The following NAA25 variants were observed in gnomAD, a reference collection of about 807,000 sequenced individuals.
NAA25 encodes N-terminal acetyltransferase B complex subunit NAA25.
Under a neutral mutation model 132.5 loss-of-function variants are expected in NAA25, and 30 were observed. That is an observed-to-expected ratio of 0.23 (90% CI 0.17 to 0.31). NAA25 has a LOEUF of 0.31. Ranked by LOEUF, NAA25 falls within the 10% of genes least tolerant of loss-of-function variation. The pLI is 1.00. For missense variants in NAA25, 771 were observed against 1,150.4 expected, an observed-to-expected ratio of 0.67 and a Z score of 4.77; for synonymous variants, 359 against 401.9, an observed-to-expected ratio of 0.89 and a Z score of 1.28.
intron 1 of NAA25, among the ~76,000 whole-genome samples, chr12:112,096,959 TTTCCC>T (rs2079220094): frequency 6.6e-6 from 1 of 152,174 alleles, no homozygotes. Flanking sequence ...TAAGGGTATT[TTTCCC>T]TTCCCCTCTG....
At chr12:112,090,944 C>G (rs183408016) in intron 2 of NAA25, 80 bp from the exon 3 acceptor site, 11 of 1,401,420 alleles carry the variant, frequency 7.8e-6, no homozygotes, top group Middle Eastern at 1.8e-4. Context: ...TCTGAAAGAA[C>G]AAGTATTAAG....
In NAA25 at chr12:112,106,375, T is replaced by C. The variant is rs1310981122; in HGVS notation, c.58+2341A>G. On this transcript the variant is annotated intron_variant, in intron 1 of 23. Transcript: ENST00000261745. ...AAAAATCAAATTATTCTTGAAAGTA[T>C]TGAGTGTTTTTAGTTTAAAAAAAAA... Among the ~76,000 whole-genome samples the C allele has an allele frequency of 1.3e-5, 2 of 151,108 alleles. 1 individual carries two copies. Among genetic ancestry groups the C allele is most frequent in the South Asian group, 4.2e-4 (2 of 4,756 alleles).
intron 19 of NAA25, 139 bp from the exon 20 acceptor site, chr12:112,042,243 T>C: frequency 2.7e-6 from 1 of 371,098 alleles, no homozygotes; most frequent in East Asian, 4.2e-5. Context: ...TTTCATTATT[T>C]TGAGACAAAA....
intron 20 of NAA25, 112 bp from the exon 21 acceptor site, chr12:112,040,690 T>G (rs2078289940): frequency 1.6e-6 from 1 of 631,096 alleles, no homozygotes; most frequent in Non-Finnish European, 2.7e-6. Flanking sequence ...AGAAAGCTAT[T>G]TGTTTTTCAT....
intron 4 of NAA25, 59 bp from the exon 5 acceptor site, chr12:112,081,193 T>C: frequency 1.4e-6 from 2 of 1,407,550 alleles, no homozygotes; most frequent in East Asian, 4.6e-5. Flanking sequence ...GGATTAATGA[T>C]CTAGATACAC....
chr12:112,088,978 C>G (rs1438206050), intron 3 of NAA25, among the ~76,000 whole-genome samples: 1 of 152,058 alleles, frequency 6.6e-6, no homozygotes, highest in Non-Finnish European at 1.5e-5. Context: ...AAACATGCCA[C>G]CAATATTTGT....
At chr12:112,046,539 C>T (rs983946823) in intron 17 of NAA25, among the ~76,000 whole-genome samples, 3 of 152,244 alleles carry the variant, frequency 2.0e-5, no homozygotes, top group African/African-American at 4.8e-5. Flanking sequence ...ACCTCATATA[C>T]ACTTCTTAGC....
At chr12:112,097,246 G>C (rs2136939349) in intron 1 of NAA25, 1 of 152,256 alleles carries the variant, frequency 6.6e-6, no homozygotes, top group Non-Finnish European at 1.5e-5. Context: ...TTTACCAGTG[G>C]CAGCTCCAGA....
intron 4 of NAA25, among the ~76,000 whole-genome samples, chr12:112,083,591 A>G (rs901175071): frequency 1.3e-5 from 2 of 152,184 alleles, no homozygotes; most frequent in Non-Finnish European, 2.9e-5. Context: ...AAGGACATAC[A>G]GGATAGGAGA....
At chr12:112,101,846 A>T (rs1204237805) in intron 1 of NAA25, among the ~76,000 whole-genome samples, 1 of 151,864 alleles carries the variant, frequency 6.6e-6, no homozygotes, top group Non-Finnish European at 1.5e-5. Flanking sequence ...CCAGCTATTA[A>T]ATTTTTTCCA....
At chr12:112,091,397 G>A (rs1041975316) in intron 2 of NAA25, among the ~76,000 whole-genome samples, 6 of 151,660 alleles carry the variant, frequency 4.0e-5, no homozygotes, top group African/African-American at 1.5e-4. Flanking sequence ...AAATTTGAAG[G>A]AAAAAAATAG....
At chr12:112,083,217 C>T (rs950440657) in intron 4 of NAA25, among the ~76,000 whole-genome samples, 1 of 152,124 alleles carries the variant, frequency 6.6e-6, no homozygotes, top group African/African-American at 2.4e-5. Flanking sequence ...CCGTGGCTCA[C>T]GCCTGTAATC....
chr12:112,092,403 T>A (rs1404310059), intron 2 of NAA25, among the ~76,000 whole-genome samples: 3 of 152,108 alleles, frequency 2.0e-5, no homozygotes, highest in Admixed American at 2.0e-4. Context: ...GGCAGGAGGA[T>A]CACCTGAGGT....
At chr12:112,075,890 CTT>C in intron 7 of NAA25, 101 bp from the exon 8 acceptor site, 1 of 962,482 alleles carries the variant, frequency 1.0e-6, no homozygotes. Flanking sequence ...ATTTTCTTTT[CTT>C]TTTTTTTGAG....
At chr12:112,086,679 C>T (rs1194728293) in intron 4 of NAA25, among the ~76,000 whole-genome samples, 1 of 151,970 alleles carries the variant, frequency 6.6e-6, no homozygotes, top group Non-Finnish European at 1.5e-5. Context: ...ATTTTGCCTT[C>T]AGAAGATATT....
At chr12:112,097,244 T>G (rs1419182571) in intron 1 of NAA25, 1 of 152,194 alleles carries the variant, frequency 6.6e-6, no homozygotes, top group African/African-American at 2.4e-5. Flanking sequence ...AGTTTACCAG[T>G]GGCAGCTCCA....
At chr12:112,043,008 G>C in intron 19 of NAA25, 80 bp downstream of exon 19, 1 of 1,394,174 alleles carries the variant, frequency 7.2e-7, no homozygotes, top group Non-Finnish European at 9.6e-7. Flanking sequence ...AAATTTTCCA[G>C]ATGTGAGGTT....
intron 15 of NAA25, among the ~76,000 whole-genome samples, chr12:112,053,188 G>A (rs1420831503): frequency 1.3e-5 from 2 of 152,216 alleles, no homozygotes; most frequent in Non-Finnish European, 2.9e-5. Context: ...AAGTAACAGA[G>A]AGCAGCTGCT....
intron 4 of NAA25, among the ~76,000 whole-genome samples, chr12:112,087,364 G>A (rs1281414642): frequency 6.6e-6 from 1 of 152,164 alleles, no homozygotes; most frequent in South Asian, 2.1e-4. Context: ...TTTTGCTCTG[G>A]TATATCTGCT....
Sources: gnomAD v4.1 joint callset for allele counts (sites outside exome capture counted in the v4.1 genomes callset) on GRCh38, gnomAD v4.1.1 for gene constraint, MANE v1.5 for transcripts, NCBI Gene and HGNC (gene_info 2026-07-23, HGNC 2026-07-21) for gene names.